BRCA2: variants seen among roughly 807,000 people sequenced by gnomAD.
BRCA2 encodes the protein breast cancer type 2 susceptibility protein.
Under a neutral mutation model 276.7 loss-of-function variants are expected in BRCA2, and 203 were observed. The observed-to-expected ratio is 0.73, with a 90% confidence interval of 0.65 to 0.82. The LOEUF (loss-of-function observed/expected upper bound fraction) is 0.82, where lower values mean the gene tolerates loss of function less well. Among genes scored for constraint, BRCA2 ranks in the 40% least tolerant of loss-of-function variants. The pLI is 0.00. For synonymous variants in BRCA2, 1,289 were observed against 1,338.4 expected (o/e 0.96, Z 0.81); for missense variants, 3,920 against 3,915.0 (o/e 1.00, Z -0.03).
At position 32,338,916 on chromosome 13, in the gene BRCA2, CTA is replaced by C. The variant is rs483353115; in HGVS notation, c.4563_4564del (p.Leu1522GlyfsTer6). ...ERDEKIKEPT[L>X]LGFHTASGKK... Reference sequence around the variant, plus strand: ...TGATGAAAAGATCAAAGAACCTACTCTATTGGGTTTTCATACAGCTAGCGGGA... The same window carrying C: ...TGATGAAAAGATCAAAGAACCTACTCTTGGGTTTTCATACAGCTAGCGGGA... On this transcript the variant is annotated frameshift_variant, in exon 11 of 27. Coordinates refer to ENST00000380152, the MANE Select transcript of BRCA2 (RefSeq NM_000059.4). LOFTEE classifies it high-confidence loss of function. The C allele has an allele frequency of 1.2e-6, 2 of 1,613,952 alleles. No individual in the cohort carries two copies. The highest frequency in any genetic ancestry group is 2.2e-5 in the East Asian group (1 of 44,876).
At position 32,355,294 on chromosome 13, in the gene BRCA2, G is replaced by A. The variant is rs81002852; in HGVS notation, c.7435+6G>A. The stretch of plus-strand genomic sequence containing the variant: ...GTGTGAAGAAGAACCTTTAGGTATT[G>A]TATGACAATTTGTGTGATGAATTTT... On this transcript the variant is annotated splice_donor_region_variant and intron_variant, in intron 14 of 26. Transcript: ENST00000380152. 232 of 1,613,504 alleles carry A rather than the reference G, an allele frequency of 1.4e-4. 1 individual carries two copies. The African/African-American group carries it at 1.9e-3, about 13-fold the overall frequency.
intron 21 of BRCA2, among the ~76,000 whole-genome samples, chr13:32,378,302 A>G (rs570087659): frequency 6.6e-6 from 1 of 152,336 alleles, no homozygotes; most frequent in African/African-American, 2.4e-5. Context: ...ATCAAGGGAA[A>G]ACCTAAGAGT....
intron 21 of BRCA2, among the ~76,000 whole-genome samples, chr13:32,378,249 A>G (rs977967305): frequency 2.6e-5 from 4 of 152,210 alleles, no homozygotes; most frequent in African/African-American, 9.7e-5. Flanking sequence ...CTGTAACTGG[A>G]CAAGTGATGT....
intron 14 of BRCA2, among the ~76,000 whole-genome samples, chr13:32,355,724 T>C (rs2072688532): frequency 6.6e-6 from 1 of 151,116 alleles, no homozygotes; most frequent in African/African-American, 2.4e-5. Context: ...AATAAATAAA[T>C]AAATAAATAG....
intron 24 of BRCA2, among the ~76,000 whole-genome samples, chr13:32,381,071 C>T (rs567757501): frequency 1.3e-5 from 2 of 152,142 alleles, no homozygotes; most frequent in Middle Eastern, 3.2e-3. Flanking sequence ...TAGTAAGCCA[C>T]ATTGTTCCCA....
At chr13:32,389,870 A>G (rs2072985399) in intron 24 of BRCA2, among the ~76,000 whole-genome samples, 1 of 152,200 alleles carries the variant, frequency 6.6e-6, no homozygotes, top group Non-Finnish European at 1.5e-5. Context: ...TTCTGTTCAG[A>G]AGAAGAAAAA....
rs730881547 is a variant in BRCA2, at chr13:32,341,007, G to A, written c.6652G>A (p.Asp2218Asn). The A allele has an allele frequency of 6.2e-7, 1 of 1,612,798 alleles. No homozygotes were observed. The highest frequency in any genetic ancestry group is 8.5e-7 in the Non-Finnish European group (1 of 1,179,682). ...AGAAGTTTGTTCTACTTACTCCAAA[G>A]ATTCAGAAAACTACTTTGAAACAGA... Reference protein sequence around the residue: ...NIEVCSTYSKDSENYFETEAV... With the variant: ...NIEVCSTYSKNSENYFETEAV... Residue 2218 changes from aspartate to asparagine, a missense_variant, in exon 11 of 27, where the codon GAT becomes AAT. Asp to Asn is a conservative substitution (Grantham distance 23). Coordinates refer to ENST00000380152, the MANE Select transcript of BRCA2 (RefSeq NM_000059.4).
intron 13 of BRCA2, among the ~76,000 whole-genome samples, chr13:32,351,676 A>G (rs1258662532): frequency 1.3e-5 from 2 of 152,208 alleles, no homozygotes; most frequent in East Asian, 3.8e-4. Flanking sequence ...TCACTTAGAC[A>G]TATAAATATG....
rs56335340 is a variant in BRCA2 at position 32,357,883 on chromosome 13, C to T, written c.7759C>T (p.Leu2587Phe). ...KGIQLADGGW[L>F]IPSNDGKAGK... Reference sequence around the variant, plus strand: ...AATACAGTTGGCTGATGGTGGATGGCTCATACCCTCCAATGATGGAAAGGC... The same window carrying T: ...AATACAGTTGGCTGATGGTGGATGGTTCATACCCTCCAATGATGGAAAGGC... The change falls in exon 16 of 27, where the codon CTC (leucine) becomes TTC (phenylalanine). Residue 2587 changes from leucine (L) to phenylalanine (F), a missense_variant. Transcript: ENST00000380152. 75 of 1,613,928 alleles carry T rather than the reference C, an allele frequency of 4.6e-5. No individual in the cohort carries two copies. The highest frequency in any genetic ancestry group is 5.7e-5 in the Non-Finnish European group (67 of 1,180,010).
chr13:32,368,259 A>G (rs758441048), intron 18 of BRCA2, among the ~76,000 whole-genome samples: 10 of 151,732 alleles, frequency 6.6e-5, no homozygotes, highest in Non-Finnish European at 2.9e-5. Flanking sequence ...TGACCTCGTG[A>G]TCTGCCCGCC....
intron 24 of BRCA2, among the ~76,000 whole-genome samples, chr13:32,389,761 A>G (rs942081315): frequency 2.0e-5 from 3 of 152,184 alleles, no homozygotes; most frequent in African/African-American, 7.2e-5. Context: ...ATTCACAGGT[A>G]CTGGGAATTA....
At chr13:32,331,682 C>A (rs1031164253) in intron 9 of BRCA2, among the ~76,000 whole-genome samples, 20 of 149,126 alleles carry the variant, frequency 1.3e-4, no homozygotes, top group Non-Finnish European at 2.8e-4. Context: ...TTTTCAGAGA[C>A]AATAAGATAT....
Position 32,363,257 on chromosome 13 carries a change from A to T in BRCA2, c.8055A>T (p.Thr2685=), listed in dbSNP as rs876660133. Residue 2685 remains threonine (T), a synonymous_variant, in exon 18 of 27, where the codon ACA becomes ACT. Transcript: ENST00000380152. ...AAAGGGATGACACAGCTGCAAAAAC[A>T]CTTGTTCTCTGTGTTTCTGACATAA... ...IMERDDTAAK[T]LVLCVSDIIS... 6.2e-7 allele frequency: 1 copy of T among 1,614,146 alleles called. No individual in the cohort carries two copies. Among genetic ancestry groups the T allele is most frequent in the Non-Finnish European group, 8.5e-7 (1 of 1,180,006 alleles).
intron 18 of BRCA2, among the ~76,000 whole-genome samples, chr13:32,369,088 G>C (rs532721520): frequency 6.6e-6 from 1 of 152,060 alleles, no homozygotes; most frequent in Non-Finnish European, 1.5e-5. Flanking sequence ...GATTACAGGC[G>C]TGAGCCACAG....
intron 6 of BRCA2, 40 bp downstream of exon 6, chr13:32,326,322 T>G (rs1323892505): frequency 8.2e-6 from 13 of 1,589,654 alleles, no homozygotes; most frequent in Non-Finnish European, 1.1e-5. Context: ...ACTTAGTAAT[T>G]GAGAATTTGA....
chr13:32,340,993 C>G lies in BRCA2; in HGVS notation c.6638C>G (p.Ser2213Cys), dbSNP rs75925841. The change falls in exon 11 of 27, where the codon TCT becomes TGT. Residue 2213 changes from serine (S) to cysteine (C), a missense_variant. Coordinates refer to ENST00000380152, the MANE Select transcript of BRCA2 (RefSeq NM_000059.4). ...GTGAAAACAAATATAGAAGTTTGTT[C>G]TACTTACTCCAAAGATTCAGAAAAC... is the stretch of plus-strand genomic sequence containing the variant. ...VPVKTNIEVC[S>C]TYSKDSENYF... 1.2e-6 allele frequency: 2 copies of G among 1,611,052 alleles called. No homozygotes were observed. The highest frequency in any genetic ancestry group is 1.3e-5 in the African/African-American group (1 of 74,824).
At chr13:32,391,368 C>A (rs1485513159) in intron 24 of BRCA2, among the ~76,000 whole-genome samples, 1 of 152,204 alleles carries the variant, frequency 6.6e-6, no homozygotes, top group East Asian at 1.9e-4. Context: ...AGCTGGGTGG[C>A]CCTTCAGAGT....
chr13:32,382,400 A>G (rs2072930562), intron 24 of BRCA2, among the ~76,000 whole-genome samples: 1 of 152,256 alleles, frequency 6.6e-6, no homozygotes, highest in South Asian at 2.1e-4. Context: ...GGAATCAGTA[A>G]AAGAAACAGA....
intron 9 of BRCA2, 43 bp downstream of exon 9, chr13:32,331,073 G>T (rs377590893): frequency 1.4e-6 from 2 of 1,434,792 alleles, no homozygotes; most frequent in Non-Finnish European, 1.9e-6. Flanking sequence ...TTTTGTTGTT[G>T]TTGTTTTGAT....
Sources: gnomAD v4.1 joint callset for allele counts (sites outside exome capture counted in the v4.1 genomes callset) on GRCh38, gnomAD v4.1.1 for gene constraint, MANE v1.5 for transcripts, NCBI Gene and HGNC (gene_info 2026-07-23, HGNC 2026-07-21) for gene names.